TENM3: variants seen among roughly 807,000 people sequenced by gnomAD.
The protein encoded by TENM3 is teneurin-3.
TENM3 carries 63 observed loss-of-function variants against 255.1 expected under a neutral mutation model. The ratio of observed to expected loss-of-function variants is 0.25; its 90% CI spans 0.20 to 0.30. The LOEUF is 0.30. Among genes scored for constraint, TENM3 ranks in the 10% least tolerant of loss-of-function variants. TENM3 has a pLI of 1.00. For synonymous variants in TENM3, 1,306 were observed against 1,322.3 expected, an observed-to-expected ratio of 0.99 and a Z score of 0.27; for missense variants, 2,929 against 3,461.1, an observed-to-expected ratio of 0.85 and a Z score of 3.86.
chr4:181,836,940 G>A, the TENM3 span, among the ~76,000 whole-genome samples: 5 of 151,810 alleles, frequency 3.3e-5, no homozygotes, highest in African/African-American at 1.2e-4. Context: ...TGTTAATAAA[G>A]TTTTATGATT....
chr4:181,938,022 G>C, the TENM3 span, among the ~76,000 whole-genome samples: 88 of 152,232 alleles, frequency 5.8e-4, no homozygotes, highest in Admixed American at 9.8e-4. Context: ...CCACACAACA[G>C]TTTCACCCCT....
At chr4:181,458,101 T>C in the TENM3 span, among the ~76,000 whole-genome samples, 1 of 151,964 alleles carries the variant, frequency 6.6e-6, no homozygotes, top group African/African-American at 2.4e-5. Flanking sequence ...ACAATTGGTT[T>C]ATAAAGGGAA....
chr4:182,386,802 G>A (rs938816129), intron 3 of TENM3, among the ~76,000 whole-genome samples: 3 of 152,226 alleles, frequency 2.0e-5, no homozygotes, highest in Non-Finnish European at 2.9e-5. Context: ...GCAGGCCTCC[G>A]GACTGAAGCC....
intron 1 of TENM3, among the ~76,000 whole-genome samples, chr4:182,230,812 CTATATATA>C (rs55642239): frequency 0.024 from 1,396 of 57,984 alleles, 36 homozygotes; most frequent in African/African-American, 0.039. Context: ...GTTTCTCAAA[CTATATATA>C]TATATATATA....
chr4:181,791,745 A>G, the TENM3 span, among the ~76,000 whole-genome samples: 1 of 152,200 alleles, frequency 6.6e-6, no homozygotes, highest in Non-Finnish European at 1.5e-5. Context: ...TGGTCCCTGC[A>G]CTGGAGACCC....
At chr4:182,431,052 C>T (rs147320583) in intron 3 of TENM3, among the ~76,000 whole-genome samples, 66,539 of 140,000 alleles carry the variant, frequency 0.48, 15,234 homozygotes, top group African/African-American at 0.52. Context: ...AACAAACAAA[C>T]AAACAAATAA....
the TENM3 span, among the ~76,000 whole-genome samples, chr4:181,683,630 C>T: frequency 6.6e-6 from 1 of 152,110 alleles, no homozygotes; most frequent in Non-Finnish European, 1.5e-5. Flanking sequence ...GCGACTTCAT[C>T]GAAAGATGAG....
the TENM3 span, among the ~76,000 whole-genome samples, chr4:181,470,950 T>G: frequency 6.6e-6 from 1 of 150,804 alleles, no homozygotes; most frequent in African/African-American, 2.4e-5. Context: ...CATAATTTTT[T>G]TTCATTTATT....
At chr4:182,743,639 C>T (rs568956750) in intron 19 of TENM3, among the ~76,000 whole-genome samples, 2 of 152,272 alleles carry the variant, frequency 1.3e-5, no homozygotes, top group South Asian at 4.1e-4. Context: ...CCCAATATAT[C>T]AAATATCTTA....
Position 182,773,453 on chromosome 4 carries a change from T to C in TENM3, c.4893-19T>C. On this transcript the variant is annotated intron_variant, in intron 22 of 27. Transcript: ENST00000511685. ...TGCAGTTTCCTATTTAACACCAAGT[T>C]AATGCCTCTTGTATTTAGCTATGAC... 6.3e-7 allele frequency: 1 copy of C among 1,588,078 alleles called. No individual in the cohort carries two copies.
the TENM3 span, among the ~76,000 whole-genome samples, chr4:181,912,875 T>C: frequency 6.6e-6 from 1 of 151,732 alleles, no homozygotes; most frequent in South Asian, 2.1e-4. Context: ...GGTGGTACTA[T>C]TGGGGAGGAT....
the TENM3 span, among the ~76,000 whole-genome samples, chr4:181,648,917 C>A: frequency 1.1e-4 from 17 of 152,144 alleles, no homozygotes; most frequent in Non-Finnish European, 2.2e-4. Flanking sequence ...AAGGACAATG[C>A]GGTGATTATA....
the TENM3 span, among the ~76,000 whole-genome samples, chr4:182,096,129 CAAA>C: frequency 3.8e-5 from 5 of 130,562 alleles, no homozygotes; most frequent in Admixed American, 1.6e-4. Context: ...GACCCTGTCT[CAAA>C]AAAAAAAAAA....
rs1254544825 is a variant in TENM3 at position 182,799,254 on chromosome 4, A to T, written c.7345-342A>T. Among the ~76,000 whole-genome samples the T allele has an allele frequency of 6.6e-6, 1 of 152,240 alleles. No individual in the cohort carries two copies. Among genetic ancestry groups the T allele is most frequent in the African/African-American group, 2.4e-5 (1 of 41,470 alleles). ...GAAAGCTACGAGCATGCAGATCCGG[A>T]TGAGCTGGGTTCCCCACGTGGGGTG... On this transcript the variant is annotated intron_variant, in intron 27 of 27. Transcript: ENST00000511685. The surrounding 1 kb of genome is among the most constrained non-coding windows in gnomAD (Gnocchi z 4.2).
the TENM3 span, among the ~76,000 whole-genome samples, chr4:182,014,318 A>G: frequency 6.6e-6 from 1 of 151,930 alleles, no homozygotes; most frequent in African/African-American, 2.4e-5. Context: ...AGGTTAGCCT[A>G]TATATGGTGC....
the TENM3 span, among the ~76,000 whole-genome samples, chr4:181,739,959 C>T: frequency 1.3e-5 from 2 of 152,204 alleles, no homozygotes; most frequent in African/African-American, 4.8e-5. Flanking sequence ...GCAACCGGCG[C>T]ACATGCTATG....
chr4:181,594,377 A>G, the TENM3 span, among the ~76,000 whole-genome samples: 1 of 152,208 alleles, frequency 6.6e-6, no homozygotes, highest in Non-Finnish European at 1.5e-5. Context: ...AAATAAGCTG[A>G]TGTCATCAAA....
chr4:182,769,419 G>A (rs189561639), intron 22 of TENM3, among the ~76,000 whole-genome samples: 6 of 149,394 alleles, frequency 4.0e-5, no homozygotes, highest in Non-Finnish European at 7.4e-5. Flanking sequence ...TTACTCGTCC[G>A]CACTGAAATG....
At chr4:182,200,231 C>A (rs1003348350) in intron 1 of TENM3, among the ~76,000 whole-genome samples, 2 of 152,150 alleles carry the variant, frequency 1.3e-5, no homozygotes, top group African/African-American at 4.8e-5. Flanking sequence ...TGGGCCAGTT[C>A]TCTTTTACTA....
Sources: gnomAD v4.1 joint callset for allele counts (sites outside exome capture counted in the v4.1 genomes callset) on GRCh38, gnomAD v4.1.1 for gene constraint, Gnocchi (gnomAD v3.1) non-coding constraint, MANE v1.5 for transcripts, NCBI Gene and HGNC (gene_info 2026-07-23, HGNC 2026-07-21) for gene names.